Variants in FARS2 observed in about 807,000 individuals in gnomAD.
FARS2 encodes phenylalanine--tRNA ligase, mitochondrial.
FARS2 carries 40 observed loss-of-function variants against 46.4 expected under a neutral mutation model. That is an observed-to-expected ratio of 0.86 (90% CI 0.67 to 1.12). The LOEUF is 1.12. FARS2 is among the 50% of genes most tolerant of loss of function. The pLI is 0.00. For missense variants in FARS2, 513 were observed against 567.9 expected (o/e 0.90, Z 0.98); for synonymous variants, 234 against 214.9 (o/e 1.09, Z -0.78).
intron 3 of FARS2, among the ~76,000 whole-genome samples, chr6:5,420,903 G>C (rs779133314): frequency 2.0e-5 from 3 of 152,128 alleles, no homozygotes; most frequent in Middle Eastern, 3.2e-3. Flanking sequence ...GTTCTTCTTG[G>C]TTGTGGACCC....
chr6:5,771,569 C>A lies in FARS2; in HGVS notation c.*140C>A, dbSNP rs1763050900. On this transcript the variant is annotated 3_prime_UTR_variant, in exon 7 of 7. Transcript: ENST00000274680. ...TTAGGACTTTCAGAAAATAAAAGAT[C>A]GCTCTTGAAAAGCTGTTGACATAGC... 3.3e-6 allele frequency: 3 copies of A among 921,538 alleles called. No homozygotes were observed. Among genetic ancestry groups the A allele is most frequent in the Non-Finnish European group, 3.2e-6 (2 of 630,048 alleles). The allele number at this position is 921,538 out of a possible 1,614,324, so 57.1% of individuals were successfully genotyped here. A position where few individuals can be genotyped will look rare whatever the true frequency, so the allele number is the denominator to read the frequency against.
intron 6 of FARS2, among the ~76,000 whole-genome samples, chr6:5,653,309 T>A (rs1312993190): frequency 6.6e-6 from 1 of 152,228 alleles, no homozygotes; most frequent in Non-Finnish European, 1.5e-5. Context: ...AACAAAAAAG[T>A]ACACTGATCT....
chr6:5,598,710 T>C (rs368761005), intron 5 of FARS2, among the ~76,000 whole-genome samples: 1 of 151,960 alleles, frequency 6.6e-6, no homozygotes, highest in East Asian at 1.9e-4. Context: ...CAGGAAGAAA[T>C]CGAAAACATG....
chr6:5,607,672 CTG>C (rs1774920746), intron 5 of FARS2, among the ~76,000 whole-genome samples: 1 of 152,088 alleles, frequency 6.6e-6, no homozygotes. Flanking sequence ...ATTGGTGAAA[CTG>C]AGGTCATGCC....
chr6:5,562,476 T>C (rs1361245057), intron 5 of FARS2, among the ~76,000 whole-genome samples: 1 of 152,128 alleles, frequency 6.6e-6, no homozygotes, highest in African/African-American at 2.4e-5. Context: ...TGACAGGATG[T>C]TGAAATGAGG....
rs371437145 is a variant in FARS2 at position 5,330,503 on chromosome 6, A to T, written c.-21-38047A>T. ...TACTGTGTGGGGTGTTGCCTCCTACATGGTATGATATAGGCTAGGAGAATA... is the reference window on the plus strand; with the variant it reads ...TACTGTGTGGGGTGTTGCCTCCTACTTGGTATGATATAGGCTAGGAGAATA... On this transcript the variant is annotated intron_variant, in intron 1 of 6. Transcript: ENST00000274680. 6.6e-5 allele frequency among the ~76,000 whole-genome samples: 10 copies of T among 152,168 alleles called. No individual in the cohort carries two copies. In the East Asian group the frequency reaches 7.7e-4, roughly 12 times the overall value.
chr6:5,404,564 G>A lies in FARS2; in HGVS notation c.635G>A (p.Gly212Glu). 6.2e-7 allele frequency: 1 copy of A among 1,603,272 alleles called. No homozygotes were observed. The highest frequency in any genetic ancestry group is 8.5e-7 in the Non-Finnish European group (1 of 1,174,404). ...CAGTTATTTGCTGGTATAAAGGATG[G>A]AGAAAGCCTGCAGCTCTTTGAACAA... ...KHELFAGIKDGESLQLFEQSS... is the reference protein window; with the variant it reads ...KHELFAGIKDEESLQLFEQSS... Residue 212 changes from glycine (G) to glutamate (E), a missense_variant, in exon 3 of 7, where the codon GGA becomes GAA. Physicochemically the swap from Gly to Glu is moderately conservative, Grantham distance 98 (BLOSUM62 -2). Coordinates refer to ENST00000274680, the MANE Select transcript of FARS2 (RefSeq NM_006567.5).
intron 5 of FARS2, among the ~76,000 whole-genome samples, chr6:5,602,277 G>A (rs1322587166): frequency 6.6e-6 from 1 of 152,138 alleles, no homozygotes; most frequent in African/African-American, 2.4e-5. Flanking sequence ...GCTTTCTTGA[G>A]AATTATTAGC....
intron 6 of FARS2, among the ~76,000 whole-genome samples, chr6:5,675,199 GACACACACACACAC>G (rs3057239): frequency 6.5e-4 from 94 of 144,976 alleles, no homozygotes; most frequent in Non-Finnish European, 9.8e-4. Flanking sequence ...TTTGCAGATA[GACACACACACACAC>G]ACACACACAC....
At chr6:5,431,513 G>A (rs1418113704) in intron 4 of FARS2, among the ~76,000 whole-genome samples, 1 of 152,148 alleles carries the variant, frequency 6.6e-6, no homozygotes, top group Non-Finnish European at 1.5e-5. Context: ...TTGTCTTTCA[G>A]ACTATTTAAG....
At chr6:5,417,812 G>A (rs186257426) in intron 3 of FARS2, among the ~76,000 whole-genome samples, 89 of 152,258 alleles carry the variant, frequency 5.8e-4, no homozygotes, top group African/African-American at 2.1e-3. Context: ...TATTTCTTCA[G>A]ATACTTTCTG....
At chr6:5,493,160 G>T (rs919166133) in intron 4 of FARS2, among the ~76,000 whole-genome samples, 10 of 142,162 alleles carry the variant, frequency 7.0e-5, no homozygotes, top group African/African-American at 2.6e-4. Context: ...AGTGAGCCGA[G>T]ATCATGCCAT....
chr6:5,564,843 T>A (rs1181235627), intron 5 of FARS2, among the ~76,000 whole-genome samples: 2 of 152,206 alleles, frequency 1.3e-5, no homozygotes, highest in Admixed American at 6.5e-5. Context: ...TGTTAGAAAG[T>A]GTCATTCTTT....
rs190383375 is a variant in FARS2, at chr6:5,687,552, G to A, written c.1217+74232G>A. The stretch of plus-strand genomic sequence containing the variant: ...CTGAGGGCTCTGTTCTGCTCCATTG[G>A]TCTATATCTCTGTTTTGGTACCAAT... On this transcript the variant is annotated intron_variant, in intron 6 of 6. Transcript: ENST00000274680. Among the ~76,000 whole-genome samples, 155 of 152,228 alleles carry A rather than the reference G, an allele frequency of 1.0e-3. 1 individual carries two copies. Among genetic ancestry groups the A allele is most frequent in the African/African-American group, 3.6e-3 (148 of 41,540 alleles).
chr6:5,666,122 A>T (rs1356071591), intron 6 of FARS2, among the ~76,000 whole-genome samples: 1 of 152,040 alleles, frequency 6.6e-6, no homozygotes, highest in Non-Finnish European at 1.5e-5. Context: ...GGTTCATTGA[A>T]CTCAACTAAA....
intron 5 of FARS2, among the ~76,000 whole-genome samples, chr6:5,591,110 G>A (rs539507627): frequency 8.5e-5 from 13 of 152,334 alleles, no homozygotes; most frequent in African/African-American, 3.1e-4. Flanking sequence ...TTTGGGGATG[G>A]ATGAGGGAAT....
At chr6:5,280,026 C>T (rs34817446) in intron 1 of FARS2, among the ~76,000 whole-genome samples, 4,932 of 152,290 alleles carry the variant, frequency 0.032, 119 homozygotes, top group Non-Finnish European at 0.044. Flanking sequence ...CACCTAGTTT[C>T]CCCTTAGTCC....
chr6:5,399,856 A>G (rs926260652), intron 2 of FARS2, among the ~76,000 whole-genome samples: 19 of 152,136 alleles, frequency 1.2e-4, no homozygotes, highest in African/African-American at 4.3e-4. Flanking sequence ...GGTAGACCAT[A>G]GTTTATTTAA....
At chr6:5,625,670 C>T (rs1394445224) in intron 6 of FARS2, among the ~76,000 whole-genome samples, 1 of 152,162 alleles carries the variant, frequency 6.6e-6, no homozygotes, top group Non-Finnish European at 1.5e-5. Context: ...AGAAATAAGG[C>T]TTAGGGGGAC....
Sources: gnomAD v4.1 joint callset for allele counts (sites outside exome capture counted in the v4.1 genomes callset) on GRCh38, gnomAD v4.1.1 for gene constraint, MANE v1.5 for transcripts, NCBI Gene and HGNC (gene_info 2026-07-23, HGNC 2026-07-21) for gene names.